SLC6A15: variants seen among roughly 807,000 people sequenced by gnomAD.
SLC6A15 encodes solute carrier family 6 member 15.
SLC6A15 carries 33 observed loss-of-function variants against 68.5 expected under a neutral mutation model. The observed-to-expected ratio is 0.48, with a 90% confidence interval of 0.37 to 0.64. The LOEUF (loss-of-function observed/expected upper bound fraction) is 0.64. Ranked by LOEUF, SLC6A15 falls within the 30% of genes least tolerant of loss-of-function variation. SLC6A15 has a pLI of 0.00. For missense variants in SLC6A15, 747 were observed against 874.3 expected (o/e 0.85, Z 1.84); for synonymous variants, 347 against 301.0 (o/e 1.15, Z -1.58).
chr12:84,912,509 G>T lies in SLC6A15; in HGVS notation c.-189+14C>A, dbSNP rs1426632537. 1 of 152,484 alleles carries T rather than the reference G, an allele frequency of 6.6e-6. No individual in the cohort carries two copies. Among genetic ancestry groups the T allele is most frequent in the Non-Finnish European group, 1.5e-5 (1 of 68,310 alleles). 9.4% of individuals were successfully genotyped at this position (152,484 alleles called of 1,614,324 possible). A position where few individuals can be genotyped will look rare whatever the true frequency, so the allele number is the denominator to read the frequency against. On this transcript the variant is annotated intron_variant, in intron 1 of 11. Transcript: ENST00000266682. ...ACCCCCAGTTGTGCCCTTAGCGTAG[G>T]CGCTTGCCATTACCGTCAGTGTGTC... is the stretch of plus-strand genomic sequence containing the variant.
chr12:84,870,735 A>G (rs974183426), intron 8 of SLC6A15, 65 bp from the exon 9 acceptor site: 6 of 959,166 alleles, frequency 6.3e-6, no homozygotes, highest in Non-Finnish European at 9.1e-6. Flanking sequence ...TCTATATGTC[A>G]GTTACAATGA....
At chr12:84,906,220 C>A (rs74429644) in intron 1 of SLC6A15, among the ~76,000 whole-genome samples, 1 of 151,984 alleles carries the variant, frequency 6.6e-6, no homozygotes, top group Non-Finnish European at 1.5e-5. Context: ...CATAATTACA[C>A]GAAAATGTAA....
rs1020063950 is a variant in SLC6A15, at chr12:84,860,922, T to A, written c.*710A>T. The A allele has an allele frequency of 6.6e-6, 1 of 152,156 alleles. No individual in the cohort carries two copies. The highest frequency in any genetic ancestry group is 2.4e-5 in the African/African-American group (1 of 41,446). The allele number at this position is 152,156 out of a possible 1,614,324, so 9.4% of individuals were successfully genotyped here. Reference sequence around the variant, plus strand: ...GCATAAGAAAAATGCAGAATCTGCATAATTCTTGAGAGTGCTGAGTAACTC... The same window carrying A: ...GCATAAGAAAAATGCAGAATCTGCAAAATTCTTGAGAGTGCTGAGTAACTC... On this transcript the variant is annotated 3_prime_UTR_variant, in exon 12 of 12. Coordinates refer to ENST00000266682, the MANE Select transcript of SLC6A15 (RefSeq NM_182767.6).
intron 5 of SLC6A15, among the ~76,000 whole-genome samples, chr12:84,877,000 TA>T (rs1456685971): frequency 6.6e-6 from 1 of 152,224 alleles, no homozygotes; most frequent in African/African-American, 2.4e-5. Context: ...CTTTTTCTTT[TA>T]ACCAAATTTT....
intron 7 of SLC6A15, 25 bp from the exon 8 acceptor site, chr12:84,872,819 T>C (rs746335916): frequency 6.4e-7 from 1 of 1,566,436 alleles, no homozygotes; most frequent in Admixed American, 1.8e-5. Flanking sequence ...AACATACAAA[T>C]GAGCACATAA....
In SLC6A15 at chr12:84,860,661, CTTTG is replaced by C. The variant is rs1011602689; in HGVS notation, c.*967_*970del. ...GTGAAAAACAAACATCATTTTTAAA[CTTTG>C]TTTATTTGTAGATTAAAATGTAATG... On this transcript the variant is annotated 3_prime_UTR_variant, in exon 12 of 12. Transcript: ENST00000266682. 29 of 152,114 alleles carry C rather than the reference CTTTG, an allele frequency of 1.9e-4. No homozygotes were observed. Among genetic ancestry groups the C allele is most frequent in the Admixed American group, 1.2e-3 (18 of 15,256 alleles). The allele number at this position is 152,114 out of a possible 1,614,324, so 9.4% of individuals were successfully genotyped here.
At chr12:84,898,964 G>A (rs887994831) in intron 1 of SLC6A15, among the ~76,000 whole-genome samples, 1 of 152,126 alleles carries the variant, frequency 6.6e-6, no homozygotes, top group African/African-American at 2.4e-5. Context: ...TCTTGAATTC[G>A]GTCCTGCACT....
chr12:84,909,122 C>G (rs1416820722), intron 1 of SLC6A15, among the ~76,000 whole-genome samples: 1 of 152,098 alleles, frequency 6.6e-6, no homozygotes, highest in Non-Finnish European at 1.5e-5. Flanking sequence ...AAAATTGTGT[C>G]CATTTGCACT....
At chr12:84,909,733 T>G (rs1241756470) in intron 1 of SLC6A15, among the ~76,000 whole-genome samples, 1 of 152,128 alleles carries the variant, frequency 6.6e-6, no homozygotes, top group East Asian at 1.9e-4. Flanking sequence ...AGGTGAGAGG[T>G]CCATTGAGAA....
In SLC6A15 at chr12:84,904,211, G is replaced by A. The variant is rs971225898; in HGVS notation, c.-189+8312C>T. On this transcript the variant is annotated intron_variant, in intron 1 of 11. Transcript: ENST00000266682. ...GGGAGAGAAAGGGAGAGAAAGGGGG[G>A]AGGGGCGGAGGGGGAGAGAGAGAGA... Among the ~76,000 whole-genome samples, 10 of 141,266 alleles carry A rather than the reference G, an allele frequency of 7.1e-5. No homozygotes were observed. In the East Asian group the frequency reaches 1.2e-3, roughly 17 times the overall value. The allele number at this position is 141,266 out of a possible 152,430, so 92.7% of individuals were successfully genotyped here. A position where few individuals can be genotyped will look rare whatever the true frequency, so the allele number is the denominator to read the frequency against.
Position 84,859,806 on chromosome 12 carries a change from T to C in SLC6A15, c.*1826A>G, listed in dbSNP as rs969334658. The C allele has an allele frequency of 2.2e-4, 33 of 152,052 alleles. No homozygotes were observed. Among genetic ancestry groups the C allele is most frequent in the African/African-American group, 8.0e-4 (33 of 41,448 alleles). The allele number at this position is 152,052 out of a possible 1,614,324, so 9.4% of individuals were successfully genotyped here. A position where few individuals can be genotyped will look rare whatever the true frequency, so the allele number is the denominator to read the frequency against. ...ATAAAATGCTGTCCAAAATAAATTA[T>C]TCACAGAAATAGGTAAGATATAGAA... On this transcript the variant is annotated 3_prime_UTR_variant, in exon 12 of 12. Transcript: ENST00000266682.
intron 6 of SLC6A15, among the ~76,000 whole-genome samples, chr12:84,873,755 A>G (rs1457768624): frequency 6.6e-6 from 1 of 152,154 alleles, no homozygotes; most frequent in Non-Finnish European, 1.5e-5. Flanking sequence ...TCTGCTGTTA[A>G]TCTAATGGTC....
chr12:84,905,249 G>A (rs1873086229), intron 1 of SLC6A15, among the ~76,000 whole-genome samples: 1 of 152,068 alleles, frequency 6.6e-6, no homozygotes, highest in Admixed American at 6.6e-5. Context: ...AAGTATTCAA[G>A]GTTGGTTCAA....
intron 1 of SLC6A15, among the ~76,000 whole-genome samples, chr12:84,900,935 T>TATATATGTG (rs1872836855): frequency 6.8e-6 from 1 of 146,640 alleles, no homozygotes; most frequent in Non-Finnish European, 1.5e-5. Context: ...TATATACATG[T>TATATATGTG]ATATATGTGT....
At chr12:84,886,731 C>T (rs1350590949) in intron 2 of SLC6A15, among the ~76,000 whole-genome samples, 3 of 151,910 alleles carry the variant, frequency 2.0e-5, no homozygotes, top group Non-Finnish European at 4.4e-5. Flanking sequence ...GAAATTAAAA[C>T]ATTTAATATC....
Position 84,870,512 on chromosome 12 carries a change from C to T in SLC6A15, c.1461G>A (p.Val487=), listed in dbSNP as rs1871240593. ...TTTCTTTCCTCACTTTGAAAGTGTC[C>T]ACAATAGGCGTGACAATCCCTTCAA... ...GTIEGIVTPI[V]DTFKVRKEIL... The change falls in exon 9 of 12, where the codon GTG becomes GTA. Residue 487 remains valine, a synonymous_variant. Transcript: ENST00000266682. The T allele has an allele frequency of 1.3e-6, 2 of 1,560,638 alleles. No homozygotes were observed. The highest frequency in any genetic ancestry group is 2.4e-5 in the East Asian group (1 of 41,690).
intron 5 of SLC6A15, among the ~76,000 whole-genome samples, chr12:84,877,057 G>A (rs1034587037): frequency 1.3e-5 from 2 of 152,078 alleles, no homozygotes; most frequent in African/African-American, 4.8e-5. Context: ...TTCCTATGCT[G>A]TATCTTCCAG....
intron 3 of SLC6A15, 109 bp from the exon 4 acceptor site, chr12:84,885,670 T>C: frequency 8.0e-7 from 1 of 1,246,790 alleles, no homozygotes. Context: ...CTTCATTTTA[T>C]TATTTATTTG....
chr12:84,877,744 C>T (rs1871618956), intron 5 of SLC6A15, among the ~76,000 whole-genome samples: 1 of 152,110 alleles, frequency 6.6e-6, no homozygotes, highest in African/African-American at 2.4e-5. Flanking sequence ...TCCCATCTGC[C>T]CCCTGCCAAC....
Sources: allele counts gnomAD v4.1 joint callset (sites outside exome capture counted in the v4.1 genomes callset), GRCh38; gene constraint gnomAD v4.1.1; transcripts MANE v1.5; gene names NCBI Gene and HGNC (gene_info 2026-07-23, HGNC 2026-07-21).